Variants in DHRSX observed in about 807,000 individuals in gnomAD.
DHRSX encodes the protein polyprenol dehydrogenase.
Under a neutral mutation model 34.0 loss-of-function variants are expected in DHRSX, and 31 were observed. That is an observed-to-expected ratio of 0.91 (90% CI 0.69 to 1.23). The LOEUF (loss-of-function observed/expected upper bound fraction) is 1.23. DHRSX is among the 50% of genes most tolerant of loss of function. DHRSX has a pLI of 0.00. For synonymous variants in DHRSX, 201 were observed against 183.8 expected (o/e 1.09, Z -0.76); for missense variants, 414 against 428.1 (o/e 0.97, Z 0.29).
chrX:2,463,720 A>G (rs2044435629), intron 1 of DHRSX, among the ~76,000 whole-genome samples: 1 of 152,210 alleles, frequency 6.6e-6, no homozygotes, highest in African/African-American at 2.4e-5. Flanking sequence ...AGAGAGGAGC[A>G]GGCTGGCTGC....
chrX:2,382,609 CCAT>C (rs1466921709), intron 3 of DHRSX, among the ~76,000 whole-genome samples: 2 of 55,508 alleles, frequency 3.6e-5, no homozygotes, highest in African/African-American at 1.3e-4. Flanking sequence ...ATCACCATCA[CCAT>C]CATCACCACC....
chrX:2,275,135 A>G (rs1365452677), intron 4 of DHRSX, among the ~76,000 whole-genome samples: 7 of 152,016 alleles, frequency 4.6e-5, no homozygotes, highest in African/African-American at 1.7e-4. Flanking sequence ...TTTTTTCGGC[A>G]TCAGTAAAAT....
chrX:2,318,241 C>G (rs1011456676), intron 3 of DHRSX, among the ~76,000 whole-genome samples: 9 of 150,212 alleles, frequency 6.0e-5, no homozygotes, highest in Non-Finnish European at 1.2e-4. Flanking sequence ...TGGTGCATGC[C>G]TGTAGTCCCA....
chrX:2,455,101 A>C (rs1198011597), intron 1 of DHRSX, among the ~76,000 whole-genome samples: 3 of 132,860 alleles, frequency 2.3e-5, no homozygotes, highest in African/African-American at 1.0e-4. Flanking sequence ...AACAAGAGGG[A>C]AACCCCATCT....
At chrX:2,416,648 C>T (rs2043697364) in intron 2 of DHRSX, among the ~76,000 whole-genome samples, 1 of 152,026 alleles carries the variant, frequency 6.6e-6, no homozygotes, top group Non-Finnish European at 1.5e-5. Context: ...TTTACCCACC[C>T]CACTTTCATC....
At chrX:2,409,322 T>C (rs35126528) in intron 2 of DHRSX, among the ~76,000 whole-genome samples, 36,695 of 151,970 alleles carry the variant, frequency 0.24, 5,383 homozygotes, top group East Asian at 0.54. Context: ...ATGTGCGGAA[T>C]GTGCAGGTTG....
At chrX:2,282,624 GAGA>G (rs1172396169) in intron 4 of DHRSX, among the ~76,000 whole-genome samples, 2 of 140,820 alleles carry the variant, frequency 1.4e-5, no homozygotes, top group Non-Finnish European at 3.1e-5. Flanking sequence ...AGGGGAGGGA[GAGA>G]AGAAGGGAAA....
chrX:2,463,805 G>GA (rs11399591), intron 1 of DHRSX, among the ~76,000 whole-genome samples: 49,973 of 151,554 alleles, frequency 0.33, 8,697 homozygotes, highest in African/African-American at 0.45. Flanking sequence ...ACCCAATGAA[G>GA]AAAAAAAAGC....
At chrX:2,345,362 G>C (rs2042692073) in intron 3 of DHRSX, among the ~76,000 whole-genome samples, 1 of 151,534 alleles carries the variant, frequency 6.6e-6, no homozygotes, top group South Asian at 2.1e-4. Flanking sequence ...AAAAGACTGG[G>C]CTGGGTGCAG....
chrX:2,256,147 A>C (rs2041274905), intron 5 of DHRSX, among the ~76,000 whole-genome samples: 1 of 149,466 alleles, frequency 6.7e-6, no homozygotes, highest in Non-Finnish European at 1.5e-5. Context: ...GGGACATGCC[A>C]CCATGCCTGG....
chrX:2,323,855 C>T (rs1180109296), intron 3 of DHRSX, among the ~76,000 whole-genome samples: 2 of 151,892 alleles, frequency 1.3e-5, no homozygotes, highest in African/African-American at 4.8e-5. Context: ...CTTCCGGTTT[C>T]TCCTCTAATG....
chrX:2,224,965 C>CGCAT lies in DHRSX; in HGVS notation c.805-3737_805-3736insATGC, dbSNP rs768794190. On this transcript the variant is annotated intron_variant, in intron 6 of 6. Transcript: ENST00000334651. Reference sequence around the variant, plus strand: ...CATGTACACAGCTCACACACATGCTCACATTCACATGCACACTAATTCACA... The same window carrying CGCAT: ...CATGTACACAGCTCACACACATGCTCGCATACATTCACATGCACACTAATTCACA... 1.8e-3 allele frequency among the ~76,000 whole-genome samples: 266 copies of CGCAT among 149,852 alleles called. 5 individuals carry two copies. Among genetic ancestry groups the CGCAT allele is most frequent in the Non-Finnish European group, 5.0e-4 (34 of 67,456 alleles).
At chrX:2,384,039 G>A (rs1191442964) in intron 3 of DHRSX, among the ~76,000 whole-genome samples, 2 of 152,196 alleles carry the variant, frequency 1.3e-5, no homozygotes, top group East Asian at 1.9e-4. Flanking sequence ...CCTGGAAGCC[G>A]AGAGACTAGC....
At chrX:2,365,727 T>C (rs2042987583) in intron 3 of DHRSX, among the ~76,000 whole-genome samples, 1 of 151,934 alleles carries the variant, frequency 6.6e-6, no homozygotes, top group Admixed American at 6.6e-5. Context: ...TACTCCACCA[T>C]AGCAAAGGGT....
At chrX:2,391,424 G>A (rs972917120) in intron 3 of DHRSX, among the ~76,000 whole-genome samples, 9 of 152,186 alleles carry the variant, frequency 5.9e-5, no homozygotes, top group Admixed American at 1.3e-4. Context: ...ATGCACCAAG[G>A]CATAACCCAA....
chrX:2,419,530 G>C (rs2043745308), intron 2 of DHRSX, among the ~76,000 whole-genome samples: 1 of 152,070 alleles, frequency 6.6e-6, no homozygotes, highest in Non-Finnish European at 1.5e-5. Context: ...TATGTTTATA[G>C]CAGCACTATT....
chrX:2,271,207 A>T (rs1408760904), intron 4 of DHRSX, among the ~76,000 whole-genome samples: 2 of 151,562 alleles, frequency 1.3e-5, no homozygotes, highest in Non-Finnish European at 2.9e-5. Context: ...GAAGGAAAAA[A>T]CTCCAGGCAC....
intron 1 of DHRSX, among the ~76,000 whole-genome samples, chrX:2,484,219 C>T (rs1015594497): frequency 2.6e-5 from 4 of 152,036 alleles, no homozygotes; most frequent in South Asian, 2.1e-4. Context: ...GCGATCCACC[C>T]GCCTCGGCCT....
intron 4 of DHRSX, among the ~76,000 whole-genome samples, chrX:2,276,579 C>G (rs1486848560): frequency 6.6e-6 from 1 of 152,058 alleles, no homozygotes; most frequent in African/African-American, 2.4e-5. Context: ...TGGCATTTTA[C>G]TGGGGAGTGA....
Sources: gnomAD v4.1 joint callset for allele counts (sites outside exome capture counted in the v4.1 genomes callset) on GRCh38, gnomAD v4.1.1 for gene constraint, MANE v1.5 for transcripts, NCBI Gene and HGNC (gene_info 2026-07-23, HGNC 2026-07-21) for gene names.